The following LRRTM4 variants were observed in gnomAD, a reference collection of about 807,000 sequenced individuals.
LRRTM4 encodes leucine-rich repeat transmembrane neuronal protein 4.
A neutral mutation model predicts 47.6 loss-of-function variants in LRRTM4; 25 were observed. The ratio of observed to expected loss-of-function variants is 0.53; its 90% CI spans 0.38 to 0.73. LRRTM4 has a LOEUF of 0.73. Among genes scored for constraint, LRRTM4 ranks in the 30% least tolerant of loss-of-function variants. The probability of loss-of-function intolerance (pLI) is 0.00; values close to 1 mark genes in which losing one functional copy is unlikely to be tolerated. For synonymous variants in LRRTM4, 311 were observed against 269.5 expected, an observed-to-expected ratio of 1.15 and a Z score of -1.51; for missense variants, 638 against 713.4, an observed-to-expected ratio of 0.89 and a Z score of 1.20.
chr2:76,805,109 A>T (rs1675903730), intron 3 of LRRTM4, among the ~76,000 whole-genome samples: 1 of 152,178 alleles, frequency 6.6e-6, no homozygotes, highest in Non-Finnish European at 1.5e-5. Flanking sequence ...ATGAAGATTG[A>T]AGCCTCATGG....
chr2:77,162,617 T>G (rs1672762897), intron 3 of LRRTM4, among the ~76,000 whole-genome samples: 1 of 152,086 alleles, frequency 6.6e-6, no homozygotes, highest in Non-Finnish European at 1.5e-5. Flanking sequence ...CCCTCTGAGA[T>G]GAAGCTTCCA....
At chr2:76,967,157 C>CT (rs537519196) in intron 3 of LRRTM4, among the ~76,000 whole-genome samples, 7,901 of 134,658 alleles carry the variant, frequency 0.059, 234 homozygotes, top group Non-Finnish European at 0.065. Context: ...CATTCCCTTG[C>CT]TTTTTTTTTT....
chr2:77,077,123 C>G (rs1157222576), intron 3 of LRRTM4, among the ~76,000 whole-genome samples: 1 of 152,098 alleles, frequency 6.6e-6, no homozygotes, highest in Admixed American at 6.6e-5. Context: ...GAGTATCACA[C>G]CATATGCAAA....
At chr2:76,983,841 T>C (rs1405526289) in intron 3 of LRRTM4, among the ~76,000 whole-genome samples, 1 of 152,172 alleles carries the variant, frequency 6.6e-6, no homozygotes, top group East Asian at 1.9e-4. Flanking sequence ...GCCTTCACAA[T>C]GACAAAGTTT....
intron 3 of LRRTM4, among the ~76,000 whole-genome samples, chr2:77,489,583 G>A (rs939254699): frequency 6.6e-6 from 1 of 152,110 alleles, no homozygotes; most frequent in Non-Finnish European, 1.5e-5. Context: ...CAAAAATGTG[G>A]ACCACAGTGC....
intron 3 of LRRTM4, among the ~76,000 whole-genome samples, chr2:77,230,270 T>C (rs1421048723): frequency 6.6e-6 from 1 of 152,200 alleles, no homozygotes; most frequent in African/African-American, 2.4e-5. Context: ...GTTCACCAAA[T>C]ATACTTTTAA....
chr2:77,327,166 T>C (rs1670807008), intron 3 of LRRTM4, among the ~76,000 whole-genome samples: 1 of 152,208 alleles, frequency 6.6e-6, no homozygotes, highest in East Asian at 1.9e-4. Flanking sequence ...TAATTATTTA[T>C]ATTAAGCTAC....
intron 3 of LRRTM4, among the ~76,000 whole-genome samples, chr2:77,268,563 T>C (rs909488303): frequency 6.6e-6 from 1 of 152,184 alleles, no homozygotes; most frequent in African/African-American, 2.4e-5. Context: ...CTGCACGCTG[T>C]ATATCAAGTG....
chr2:77,056,052 AG>A (rs71381254), intron 3 of LRRTM4, among the ~76,000 whole-genome samples: 9 of 73,342 alleles, frequency 1.2e-4, no homozygotes, highest in Non-Finnish European at 2.2e-4. Flanking sequence ...GGGTGGGGGG[AG>A]GGGGGAGGGA....
chr2:77,521,936 G>A, intron 1 of LRRTM4, 118 bp from the exon 2 acceptor site: 1 of 530,998 alleles, frequency 1.9e-6, no homozygotes, highest in Non-Finnish European at 3.4e-6. Flanking sequence ...GGAAAAGGAA[G>A]CCGTTGGGGG....
chr2:76,842,908 G>A (rs1273939438), intron 3 of LRRTM4, among the ~76,000 whole-genome samples: 2 of 152,134 alleles, frequency 1.3e-5, no homozygotes, highest in Admixed American at 6.6e-5. Flanking sequence ...CCTATATTAG[G>A]AGAGAATATC....
chr2:77,048,388 C>A, intron 3 of LRRTM4, among the ~76,000 whole-genome samples: 1 of 151,970 alleles, frequency 6.6e-6, no homozygotes, highest in East Asian at 1.9e-4. Flanking sequence ...TTAAAAAGTA[C>A]ATGAACTGCC....
chr2:77,400,659 G>A (rs1052390689), intron 3 of LRRTM4, among the ~76,000 whole-genome samples: 9 of 151,690 alleles, frequency 5.9e-5, no homozygotes, highest in African/African-American at 1.2e-4. Flanking sequence ...GTACTCCTCC[G>A]GGCTAGATAT....
At position 76,838,081 on chromosome 2, in the gene LRRTM4, TATAATA is replaced by T. The variant is rs569558033; in HGVS notation, c.1552-89171_1552-89166del. On this transcript the variant is annotated intron_variant, in intron 3 of 3. Coordinates refer to ENST00000409884, the MANE Select transcript of LRRTM4 (RefSeq NM_001134745.3). The stretch of plus-strand genomic sequence containing the variant: ...TGCACATGTACCCTAAAACTTAAAG[TATAATA>T]ATAATAATAATAATAAAAGAATGGA... Among the ~76,000 whole-genome samples the T allele has an allele frequency of 3.8e-3, 540 of 142,928 alleles. 4 individuals carry two copies. The highest frequency in any genetic ancestry group is 0.013 in the African/African-American group (510 of 39,398). The allele number at this position is 142,928 out of a possible 152,430, so 93.8% of individuals were successfully genotyped here. A position where few individuals can be genotyped will look rare whatever the true frequency, so the allele number is the denominator to read the frequency against.
At chr2:77,213,380 A>G (rs1328609275) in intron 3 of LRRTM4, among the ~76,000 whole-genome samples, 1 of 152,076 alleles carries the variant, frequency 6.6e-6, no homozygotes, top group Non-Finnish European at 1.5e-5. Flanking sequence ...TGGTCATGTC[A>G]CTTAACCCCT....
intron 3 of LRRTM4, among the ~76,000 whole-genome samples, chr2:77,508,538 T>C (rs689553): frequency 0.31 from 47,272 of 152,024 alleles, 8,284 homozygotes; most frequent in Middle Eastern, 0.41. Flanking sequence ...CTCAAGCAAA[T>C]GTAACATTAT....
At chr2:76,973,984 G>A (rs1323484913) in intron 3 of LRRTM4, among the ~76,000 whole-genome samples, 2 of 151,506 alleles carry the variant, frequency 1.3e-5, no homozygotes, top group South Asian at 2.1e-4. Context: ...TCAAGATGGA[G>A]CCTAATGTAC....
chr2:77,039,191 A>G (rs1159034076), intron 3 of LRRTM4, among the ~76,000 whole-genome samples: 1 of 151,408 alleles, frequency 6.6e-6, no homozygotes, highest in Admixed American at 6.6e-5. Flanking sequence ...TAAAAAGAGG[A>G]TCACAGAATA....
At position 77,518,847 on chromosome 2, in the gene LRRTM4, C is replaced by A. The variant is rs1180347488; in HGVS notation, c.1022G>T (p.Gly341Val). 1 of 1,608,700 alleles carries A rather than the reference C, an allele frequency of 6.2e-7. No individual in the cohort carries two copies. The highest frequency in any genetic ancestry group is 1.3e-5 in the African/African-American group (1 of 74,850). The part of the protein sequence containing the change: ...GNKESTMICA[G>V]PKHIQGEKVS... ...CTTTTCACCCTGGATGTGCTTAGGT[C>A]CCGCACATATCATGGTGCTTTCCTT... The change falls in exon 3 of 4, where the codon GGA becomes GTA. Residue 341 changes from glycine to valine, a missense_variant. Physicochemically the swap from Gly to Val is moderately radical, Grantham distance 109. Coordinates refer to ENST00000409884, the MANE Select transcript of LRRTM4 (RefSeq NM_001134745.3).
Sources: allele counts gnomAD v4.1 joint callset (sites outside exome capture counted in the v4.1 genomes callset), GRCh38; gene constraint gnomAD v4.1.1; transcripts MANE v1.5; gene names NCBI Gene and HGNC (gene_info 2026-07-23, HGNC 2026-07-21).